The following TRAPPC4 variants were observed in gnomAD, a reference collection of about 807,000 sequenced individuals.
TRAPPC4 encodes trafficking protein particle complex subunit 4.
TRAPPC4 carries 30 observed loss-of-function variants against 23.5 expected under a neutral mutation model. The observed-to-expected ratio is 1.28, with a 90% CI of 0.96 to 1.73. The LOEUF is 1.73. Among genes scored for constraint, TRAPPC4 ranks in the 40% most tolerant of loss-of-function variants. The pLI is 0.00. For synonymous variants in TRAPPC4, 129 were observed against 105.3 expected (o/e 1.23, Z -1.38); for missense variants, 252 against 268.9 (o/e 0.94, Z 0.44).
In TRAPPC4 at chr11:119,018,943, G is replaced by T. The variant is rs1489944460; in HGVS notation, c.148G>T (p.Ala50Ser). ...GCTACACGATGAGCGTGTGTTGGTT[G>T]CTTTCGGCCAGCGGGACGGCATCCG... ...LKLHDERVLV[A>S]FGQRDGIRVG... Residue 50 changes from alanine to serine, a missense_variant, in exon 1 of 5, where the codon GCT (alanine) becomes TCT (serine). By Grantham distance (99) the Ala-to-Ser change is moderately conservative. Coordinates refer to ENST00000533632, the MANE Select transcript of TRAPPC4 (RefSeq NM_016146.6). 6.2e-7 allele frequency: 1 copy of T among 1,613,006 alleles called. No individual in the cohort carries two copies. The highest frequency in any genetic ancestry group is 1.3e-5 in the African/African-American group (1 of 75,054).
intron 3 of TRAPPC4, chr11:119,020,953 A>G (rs1432446192): frequency 6.6e-6 from 1 of 151,766 alleles, no homozygotes; most frequent in Non-Finnish European, 1.5e-5. Context: ...CAGTGGCGCG[A>G]TGTTGGCTCA....
chr11:119,023,314 G>A lies in TRAPPC4; in HGVS notation c.582-7G>A, dbSNP rs367792978. 33 of 1,613,850 alleles carry A rather than the reference G, an allele frequency of 2.0e-5. No individual in the cohort carries two copies. The highest frequency in any genetic ancestry group is 2.5e-5 in the Non-Finnish European group (29 of 1,179,942). Reference sequence around the variant, plus strand: ...CACTTTTTTTCCTCACCCTGGGCCCGGCTTAGGTGTGAGCTCTTTGACCAG... The same window carrying A: ...CACTTTTTTTCCTCACCCTGGGCCCAGCTTAGGTGTGAGCTCTTTGACCAG... On this transcript the variant is annotated splice_polypyrimidine_tract_variant and splice_region_variant and intron_variant, in intron 4 of 4. Transcript: ENST00000533632.
chr11:119,019,348 T>C, intron 2 of TRAPPC4, 31 bp downstream of exon 2: 3 of 1,593,318 alleles, frequency 1.9e-6, no homozygotes, highest in Non-Finnish European at 2.6e-6. Flanking sequence ...ACGGCAGCGC[T>C]TGTAATTTGT....
In TRAPPC4 at chr11:119,021,797, T is replaced by C; in HGVS notation, c.492T>C (p.Ala164=). 1 of 1,614,168 alleles carries C rather than the reference T, an allele frequency of 6.2e-7. No individual in the cohort carries two copies. The highest frequency in any genetic ancestry group is 2.2e-5 in the East Asian group (1 of 44,876). Residue 164 remains alanine (A), a synonymous_variant, in exon 4 of 5, where the codon GCT becomes GCC. Transcript: ENST00000533632. ...TGGTTCTAGCAGATCCTAGGCAAGC[T>C]GGAATAGATTCTCTTCTCCGAAAGA... ...KFVVLADPRQ[A]GIDSLLRKIY... is the part of the protein sequence containing the mutation.
intron 4 of TRAPPC4, 45 bp from the exon 5 acceptor site, chr11:119,023,276 G>C: frequency 6.3e-7 from 1 of 1,589,676 alleles, no homozygotes; most frequent in Non-Finnish European, 8.6e-7. Flanking sequence ...TGGGGAGAAA[G>C]CCTCAGGCCT....
At chr11:119,022,953 TG>T in intron 4 of TRAPPC4, 1 of 33,506 alleles carries the variant, frequency 3.0e-5, no homozygotes, top group African/African-American at 8.4e-5. Context: ...TTTTTTTTGT[TG>T]ATGTTTTTTT....
rs781822453 is a variant in TRAPPC4, at chr11:119,018,802, A to G, written c.7A>G (p.Ile3Val). MAIFSVYVVNKAG... is the reference protein window; with the variant it reads MAVFSVYVVNKAG... Reference sequence around the variant, plus strand: ...TCCGAGCGGCAAGGCAGCGATGGCGATTTTTAGTGTGTATGTGGTGAACAA... The same window carrying G: ...TCCGAGCGGCAAGGCAGCGATGGCGGTTTTTAGTGTGTATGTGGTGAACAA... The change falls in exon 1 of 5, where the codon ATT becomes GTT. Residue 3 changes from isoleucine (I) to valine (V), a missense_variant. By Grantham distance (29) the Ile-to-Val change is conservative. This residue lies in a region of TRAPPC4 where 222 missense variants were observed against 217.8 expected (regional missense o/e 1.02). Transcript: ENST00000533632. 7 of 1,611,934 alleles carry G rather than the reference A, an allele frequency of 4.3e-6. No homozygotes were observed. Among genetic ancestry groups the G allele is most frequent in the East Asian group, 4.5e-5 (2 of 44,814 alleles).
Position 119,019,463 on chromosome 11 carries a change from G to T in TRAPPC4, c.350+146G>T, listed in dbSNP as rs1403409201. On this transcript the variant is annotated intron_variant, in intron 2 of 4. Coordinates refer to ENST00000533632, the MANE Select transcript of TRAPPC4 (RefSeq NM_016146.6). ...TGGTGTCATCTTTTTTTGCTGGGTG[G>T]GGAGGGGCCGCGGAGTTACCCAGGC... The T allele has an allele frequency of 3.4e-6, 3 of 894,916 alleles. No homozygotes were observed. The Admixed American group carries it at 8.4e-5, about 25-fold the overall frequency. The allele number at this position is 894,916 out of a possible 1,614,324, so 55.4% of individuals were successfully genotyped here.
chr11:119,018,784 G>C lies in TRAPPC4; in HGVS notation c.-12G>C. 3.1e-6 allele frequency: 5 copies of C among 1,610,532 alleles called. No homozygotes were observed. Among genetic ancestry groups the C allele is most frequent in the Non-Finnish European group, 4.2e-6 (5 of 1,177,018 alleles). On this transcript the variant is annotated 5_prime_UTR_variant, in exon 1 of 5. Coordinates refer to ENST00000533632, the MANE Select transcript of TRAPPC4 (RefSeq NM_016146.6). ...AGAGGCTGAATACCAGTTTCCGAGC[G>C]GCAAGGCAGCGATGGCGATTTTTAG... is the stretch of plus-strand genomic sequence containing the variant.
At chr11:119,022,008 G>C (rs1264497732) in intron 4 of TRAPPC4, 122 bp downstream of exon 4, 2 of 1,299,688 alleles carry the variant, frequency 1.5e-6, no homozygotes, top group East Asian at 2.4e-5. Flanking sequence ...TTTTGAGACG[G>C]AGTTTCGCTC....
Position 119,023,361 on chromosome 11 carries a change from G to A in TRAPPC4, c.622G>A (p.Val208Met), listed in dbSNP as rs782105570. The A allele has an allele frequency of 4.3e-6, 7 of 1,613,990 alleles. No individual in the cohort carries two copies. The East Asian group carries it at 1.3e-4, about 31-fold the overall frequency. ...FDQNLKLALE[V>M]AEKAGTFGPG... ...CCAGAACCTGAAGCTAGCTCTGGAGGTGGCAGAGAAGGCTGGAACTTTTGG... is the reference window on the plus strand; with the variant it reads ...CCAGAACCTGAAGCTAGCTCTGGAGATGGCAGAGAAGGCTGGAACTTTTGG... The change falls in exon 5 of 5, where the codon GTG becomes ATG. Residue 208 changes from valine to methionine, a missense_variant. Val to Met is a conservative substitution (Grantham distance 21). Transcript: ENST00000533632.
chr11:119,022,422 TA>T (rs1943389487), intron 4 of TRAPPC4, among the ~76,000 whole-genome samples: 2 of 148,626 alleles, frequency 1.3e-5, no homozygotes, highest in African/African-American at 5.0e-5. Context: ...ACCCCATCTT[TA>T]CAAAAAAAAA....
At chr11:119,019,007 G>T in intron 1 of TRAPPC4, 37 bp downstream of exon 1, 1 of 1,603,046 alleles carries the variant, frequency 6.2e-7, no homozygotes, top group Non-Finnish European at 8.5e-7. Flanking sequence ...GTGCGGGGGT[G>T]GGAGGGCCCC....
chr11:119,023,543 GA>G lies in TRAPPC4; in HGVS notation c.*145del. 2 of 716,254 alleles carry G rather than the reference GA, an allele frequency of 2.8e-6. No individual in the cohort carries two copies. The highest frequency in any genetic ancestry group is 4.9e-6 in the Non-Finnish European group (2 of 405,998). 44.4% of individuals were successfully genotyped at this position (716,254 alleles called of 1,614,324 possible). ...ACCCTGATGACTTGTACTGATTCCTGAGCCTTAACACTGTGCTCTTTCCTTC... is the reference window on the plus strand; with the variant it reads ...ACCCTGATGACTTGTACTGATTCCTGGCCTTAACACTGTGCTCTTTCCTTC... On this transcript the variant is annotated 3_prime_UTR_variant, in exon 5 of 5. Transcript: ENST00000533632.
chr11:119,021,904 C>T lies in TRAPPC4; in HGVS notation c.581+18C>T. On this transcript the variant is annotated intron_variant, in intron 4 of 4. Coordinates refer to ENST00000533632, the MANE Select transcript of TRAPPC4 (RefSeq NM_016146.6). ...CCTATCAGGTAAGTGGCCCCACTTC[C>T]CAGATACTGTTTAAAGCGTCCTTGC... 6.2e-7 allele frequency: 1 copy of T among 1,613,812 alleles called. No individual in the cohort carries two copies. The highest frequency in any genetic ancestry group is 1.1e-5 in the South Asian group (1 of 91,058).
rs1943257711 is a variant in TRAPPC4, at chr11:119,019,129, C to T, written c.176-14C>T. On this transcript the variant is annotated splice_polypyrimidine_tract_variant and intron_variant, in intron 1 of 4. Coordinates refer to ENST00000533632, the MANE Select transcript of TRAPPC4 (RefSeq NM_016146.6). ...GGGCTGCACCTTCGCTGACCGTTAGCTTCACCTCTGCAGTGGGTCATGCAG... is the reference window on the plus strand; with the variant it reads ...GGGCTGCACCTTCGCTGACCGTTAGTTTCACCTCTGCAGTGGGTCATGCAG... 1 of 1,610,616 alleles carries T rather than the reference C, an allele frequency of 6.2e-7. No individual in the cohort carries two copies. The highest frequency in any genetic ancestry group is 8.5e-7 in the Non-Finnish European group (1 of 1,177,258).
rs3802881 is a variant in TRAPPC4, at chr11:119,019,312, C to T, written c.345C>T (p.Phe115=). The T allele has an allele frequency of 0.095, 152,928 of 1,612,310 alleles. 8,540 individuals are homozygous for T. The highest frequency in any genetic ancestry group is 0.22 in the South Asian group (20,121 of 91,010). The change falls in exon 2 of 5, where the codon TTC becomes TTT. Residue 115 remains phenylalanine, a synonymous_variant. Coordinates refer to ENST00000533632, the MANE Select transcript of TRAPPC4 (RefSeq NM_016146.6). The part of the protein sequence containing the change: ...SNEKLMLASM[F]HSLFAIGSQL... ...AGAAGCTTATGCTGGCCTCCATGTT[C>T]CACTCGTAAGTCCCCCGTCTCCTGA...
Position 119,023,643 on chromosome 11 carries a change from A to T in TRAPPC4, c.*244A>T. On this transcript the variant is annotated 3_prime_UTR_variant, in exon 5 of 5. Coordinates refer to ENST00000533632, the MANE Select transcript of TRAPPC4 (RefSeq NM_016146.6). The stretch of plus-strand genomic sequence containing the variant: ...GAGGAGCTAGGTCCATAAATGTTGT[A>T]ATAAATATTCCTTTGATCTTGGTGT... The T allele has an allele frequency of 2.8e-6, 1 of 362,868 alleles. No homozygotes were observed. The highest frequency in any genetic ancestry group is 5.0e-6 in the Non-Finnish European group (1 of 198,822). The allele number at this position is 362,868 out of a possible 1,614,324, so 22.5% of individuals were successfully genotyped here. A position where few individuals can be genotyped will look rare whatever the true frequency, so the allele number is the denominator to read the frequency against.
intron 3 of TRAPPC4, chr11:119,020,489 GC>G (rs772397120): frequency 1.0e-5 from 4 of 397,568 alleles, no homozygotes; most frequent in African/African-American, 4.1e-5. Context: ...GGCATGATCC[GC>G]CCCCTGGGTT....
Sources: allele counts gnomAD v4.1 joint callset (sites outside exome capture counted in the v4.1 genomes callset), GRCh38; gene constraint gnomAD v4.1.1; regional missense constraint gnomAD v4.1.1; transcripts MANE v1.5; gene names NCBI Gene and HGNC (gene_info 2026-07-23, HGNC 2026-07-21).